Variants in SORCS1 observed in about 807,000 individuals in gnomAD.
The protein encoded by SORCS1 is sortilin related VPS10 domain containing receptor 1, also known as VPS10 domain-containing receptor SorCS1.
A neutral mutation model predicts 146.1 loss-of-function variants in SORCS1; 60 were observed. The ratio of observed to expected loss-of-function variants is 0.41; its 90% CI spans 0.33 to 0.51. The LOEUF is 0.51. SORCS1 is among the 20% of genes least tolerant of loss of function. The pLI is 0.21. For missense variants in SORCS1, 1,352 were observed against 1,487.6 expected (o/e 0.91, Z 1.50); for synonymous variants, 637 against 584.0 (o/e 1.09, Z -1.31).
In SORCS1 at chr10:106,927,021, C is replaced by T. The variant is rs73380944; in HGVS notation, c.626+29492G>A. ...ACAATACTACATGGCTCAGAGTTGT[C>T]ACCACAGTTTTTTGGAGGTAGGTAC... On this transcript the variant is annotated intron_variant, in intron 2 of 25. Transcript: ENST00000263054. Among the ~76,000 whole-genome samples the T allele has an allele frequency of 4.2e-3, 646 of 152,128 alleles. 5 individuals are homozygous for T. Among genetic ancestry groups the T allele is most frequent in the African/African-American group, 0.015 (609 of 41,498 alleles).
chr10:106,730,011 A>G, intron 6 of SORCS1, 39 bp downstream of exon 6: 1 of 1,589,894 alleles, frequency 6.3e-7, no homozygotes, highest in Non-Finnish European at 8.6e-7. Flanking sequence ...CATAGAACTA[A>G]TATTACTATG....
chr10:106,611,885 C>A, intron 22 of SORCS1, 26 bp downstream of exon 22: 1 of 1,538,150 alleles, frequency 6.5e-7, no homozygotes, highest in East Asian at 2.3e-5. Context: ...GGTACCCGGG[C>A]AAGAGAAGAA....
At position 106,994,810 on chromosome 10, in the gene SORCS1, G is replaced by C. The variant is rs540745802; in HGVS notation, c.559-38230C>G. Among the ~76,000 whole-genome samples, 3 of 152,304 alleles carry C rather than the reference G, an allele frequency of 2.0e-5. No homozygotes were observed. The East Asian group carries it at 5.8e-4, about 29-fold the overall frequency. On this transcript the variant is annotated intron_variant, in intron 1 of 25. Coordinates refer to ENST00000263054, the MANE Select transcript of SORCS1 (RefSeq NM_052918.5). ...GAAGATGAAGAGGCAATAACTCATT[G>C]AGAGCAAACTGGCTTAAGAGTTGAC...
intron 8 of SORCS1, among the ~76,000 whole-genome samples, chr10:106,706,297 A>G (rs12217385): frequency 6.6e-6 from 1 of 151,284 alleles, no homozygotes; most frequent in African/African-American, 2.4e-5. Flanking sequence ...GAGAAAGAGA[A>G]AGAAAGAAAG....
At chr10:106,852,794 G>T (rs747918436) in intron 2 of SORCS1, among the ~76,000 whole-genome samples, 8 of 152,022 alleles carry the variant, frequency 5.3e-5, no homozygotes, top group Non-Finnish European at 1.2e-4. Context: ...TACATTAATT[G>T]ATTTTTGAAT....
At chr10:106,990,558 C>CCA (rs1956725392) in intron 1 of SORCS1, among the ~76,000 whole-genome samples, 1 of 152,176 alleles carries the variant, frequency 6.6e-6, no homozygotes, top group Non-Finnish European at 1.5e-5. Flanking sequence ...GCATGAGCCA[C>CCA]CACACCCAGC....
At chr10:106,996,620 CA>C (rs1957017365) in intron 1 of SORCS1, among the ~76,000 whole-genome samples, 2 of 152,188 alleles carry the variant, frequency 1.3e-5, no homozygotes, top group South Asian at 4.1e-4. Context: ...TTCGTCGTAC[CA>C]AAAAAATCAG....
rs564647936 is a variant in SORCS1 at position 107,061,318 on chromosome 10, T to C, written c.558+102651A>G. ...TTCCCAAGCAAACATTAGTATGGTA[T>C]CATAACAAAAAACTACATATCTAAT... is the stretch of plus-strand genomic sequence containing the variant. On this transcript the variant is annotated intron_variant, in intron 1 of 25. Transcript: ENST00000263054. Among the ~76,000 whole-genome samples the C allele has an allele frequency of 2.7e-4, 41 of 152,272 alleles. 1 individual carries two copies. In the South Asian group the frequency reaches 8.5e-3, roughly 32 times the overall value.
rs1360349711 is a variant in SORCS1 at position 106,829,508 on chromosome 10, G to C, written c.726+66C>G. Reference sequence around the variant, plus strand: ...TGTAATGGATTTTTAGGTAGCTAGAGTGGTTAGCCAACCAAGACAGAAGTC... The same window carrying C: ...TGTAATGGATTTTTAGGTAGCTAGACTGGTTAGCCAACCAAGACAGAAGTC... On this transcript the variant is annotated intron_variant, in intron 3 of 25. Coordinates refer to ENST00000263054, the MANE Select transcript of SORCS1 (RefSeq NM_052918.5). 1.0e-5 allele frequency: 12 copies of C among 1,157,544 alleles called. No individual in the cohort carries two copies. In the Admixed American group the frequency reaches 2.1e-4, roughly 20 times the overall value. 71.7% of individuals were successfully genotyped at this position (1,157,544 alleles called of 1,614,324 possible). A position where few individuals can be genotyped will look rare whatever the true frequency, so the allele number is the denominator to read the frequency against.
At position 106,994,347 on chromosome 10, in the gene SORCS1, T is replaced by C. The variant is rs143530148; in HGVS notation, c.559-37767A>G. On this transcript the variant is annotated intron_variant, in intron 1 of 25. Coordinates refer to ENST00000263054, the MANE Select transcript of SORCS1 (RefSeq NM_052918.5). ...AAATTAGGAGTCAAAGAAAGTAATA[T>C]AATCAGGTATCTGTTTGTCTACCAG... is the stretch of plus-strand genomic sequence containing the variant. 4.4e-3 allele frequency among the ~76,000 whole-genome samples: 671 copies of C among 152,248 alleles called. 25 individuals are homozygous for C. Among genetic ancestry groups the C allele is most frequent in the Admixed American group, 0.041 (634 of 15,286 alleles).
intron 2 of SORCS1, among the ~76,000 whole-genome samples, chr10:106,942,193 A>G (rs1382063578): frequency 6.6e-6 from 1 of 152,210 alleles, no homozygotes; most frequent in African/African-American, 2.4e-5. Flanking sequence ...TTTATAATAC[A>G]AAAATTCACA....
At chr10:107,095,465 G>C (rs1247367610) in intron 1 of SORCS1, among the ~76,000 whole-genome samples, 2 of 152,024 alleles carry the variant, frequency 1.3e-5, no homozygotes. Context: ...AAAGAGCAGA[G>C]GAAAAAAGCC....
intron 9 of SORCS1, among the ~76,000 whole-genome samples, chr10:106,697,182 A>G (rs1005505713): frequency 6.6e-6 from 1 of 152,132 alleles, no homozygotes; most frequent in Admixed American, 6.6e-5. Context: ...CTTATTTATA[A>G]GAAGACAGCT....
At chr10:107,104,080 G>A (rs763175613) in intron 1 of SORCS1, among the ~76,000 whole-genome samples, 9 of 152,160 alleles carry the variant, frequency 5.9e-5, no homozygotes, top group Non-Finnish European at 4.4e-5. Flanking sequence ...ATGTACTGCC[G>A]GTGCAACTGA....
At chr10:106,924,764 A>ATTT (rs368269912) in intron 2 of SORCS1, among the ~76,000 whole-genome samples, 10 of 99,916 alleles carry the variant, frequency 1.0e-4, no homozygotes, top group African/African-American at 2.4e-4. Context: ...AACTGCATGG[A>ATTT]TTTTTTTTTT....
At chr10:106,742,789 C>A (rs892775780) in intron 5 of SORCS1, among the ~76,000 whole-genome samples, 1 of 152,158 alleles carries the variant, frequency 6.6e-6, no homozygotes, top group Non-Finnish European at 1.5e-5. Flanking sequence ...CTTGTGACAT[C>A]ATGTTGTCAC....
At chr10:107,156,261 C>G (rs11193222) in intron 1 of SORCS1, among the ~76,000 whole-genome samples, 6,292 of 152,232 alleles carry the variant, frequency 0.041, 314 homozygotes, top group African/African-American at 0.12. Flanking sequence ...ATTTATAGCA[C>G]AAAGAGCTTT....
chr10:106,759,613 A>G (rs1453121917), intron 5 of SORCS1, among the ~76,000 whole-genome samples: 2 of 152,114 alleles, frequency 1.3e-5, no homozygotes, highest in Non-Finnish European at 2.9e-5. Flanking sequence ...TTAACTTCTG[A>G]TATTTTTCTT....
intron 1 of SORCS1, among the ~76,000 whole-genome samples, chr10:106,985,681 C>T (rs1381490409): frequency 4.6e-5 from 7 of 151,810 alleles, no homozygotes; most frequent in African/African-American, 7.3e-5. Flanking sequence ...GGATTACAGG[C>T]GCCCACCACC....
Sources: gnomAD v4.1 joint callset for allele counts (sites outside exome capture counted in the v4.1 genomes callset) on GRCh38, gnomAD v4.1.1 for gene constraint, MANE v1.5 for transcripts, NCBI Gene and HGNC (gene_info 2026-07-23, HGNC 2026-07-21) for gene names.